The following EXOC4 variants were observed in gnomAD, a reference collection of about 807,000 sequenced individuals.
EXOC4 encodes exocyst complex component 4.
Under a neutral mutation model 107.2 loss-of-function variants are expected in EXOC4, and 71 were observed. That is an observed-to-expected ratio of 0.66 (90% CI 0.55 to 0.81). The LOEUF (loss-of-function observed/expected upper bound fraction) is 0.81. Ranked by LOEUF, EXOC4 falls within the 30% of genes least tolerant of loss-of-function variation. The pLI, the probability that EXOC4 is intolerant of heterozygous loss-of-function variation, is 0.00. For synonymous variants in EXOC4, 456 were observed against 441.2 expected (o/e 1.03, Z -0.42); for missense variants, 1,108 against 1,189.6 (o/e 0.93, Z 1.01).
intron 9 of EXOC4, among the ~76,000 whole-genome samples, chr7:133,615,179 C>T (rs967707546): frequency 2.0e-5 from 3 of 151,970 alleles, no homozygotes; most frequent in Non-Finnish European, 2.9e-5. Context: ...CCTGACTCTC[C>T]GGCCTCCCCT....
At chr7:133,268,227 G>A (rs190799501) in intron 1 of EXOC4, among the ~76,000 whole-genome samples, 8 of 152,302 alleles carry the variant, frequency 5.3e-5, no homozygotes, top group Admixed American at 1.3e-4. Flanking sequence ...AAGTTGCAGA[G>A]CTCCGTTTGA....
At chr7:133,844,001 C>T (rs1426738503) in intron 11 of EXOC4, among the ~76,000 whole-genome samples, 1 of 152,156 alleles carries the variant, frequency 6.6e-6, no homozygotes, top group East Asian at 1.9e-4. Context: ...TCTTGCATCC[C>T]AGGGATAAAG....
At chr7:133,380,425 T>C (rs1485919914) in intron 7 of EXOC4, among the ~76,000 whole-genome samples, 1 of 151,790 alleles carries the variant, frequency 6.6e-6, no homozygotes, top group African/African-American at 2.4e-5. Flanking sequence ...ATTATATTTA[T>C]GGAGTTGTAC....
rs1798001478 is a variant in EXOC4, at chr7:133,840,408, T to C, written c.1734+22864T>C. Among the ~76,000 whole-genome samples the C allele has an allele frequency of 2.0e-5, 3 of 152,202 alleles. No individual in the cohort carries two copies. In the South Asian group the frequency reaches 6.2e-4, roughly 32 times the overall value. On this transcript the variant is annotated intron_variant, in intron 11 of 17. Transcript: ENST00000253861. ...AACAACAAAAATCTATTACAAAGGTTACCTCAGATAGGAAGGGAGAAGATT... is the reference window on the plus strand; with the variant it reads ...AACAACAAAAATCTATTACAAAGGTCACCTCAGATAGGAAGGGAGAAGATT...
chr7:133,568,330 T>G (rs997611663), intron 9 of EXOC4, among the ~76,000 whole-genome samples: 1 of 152,130 alleles, frequency 6.6e-6, no homozygotes, highest in Non-Finnish European at 1.5e-5. Context: ...CTTAGCATAA[T>G]TTTTGCCATG....
At chr7:133,577,062 A>C (rs543501018) in intron 9 of EXOC4, among the ~76,000 whole-genome samples, 15 of 152,318 alleles carry the variant, frequency 9.8e-5, no homozygotes, top group African/African-American at 3.4e-4. Flanking sequence ...GCTTCAACAT[A>C]GCAGTCTTTC....
chr7:133,697,099 C>G (rs1794551720), intron 10 of EXOC4, among the ~76,000 whole-genome samples: 2 of 152,126 alleles, frequency 1.3e-5, no homozygotes, highest in Non-Finnish European at 2.9e-5. Flanking sequence ...TAGGGTAAGG[C>G]TTGGGACCTG....
chr7:134,071,359 A>G (rs991708474), downstream of EXOC4, among the ~76,000 whole-genome samples: 2 of 152,214 alleles, frequency 1.3e-5, 1 homozygote, highest in South Asian at 4.1e-4. Context: ...TTCTTTCCAA[A>G]TAAAGGAAAG....
Position 133,523,757 on chromosome 7 carries a change from A to G in EXOC4, c.1417+43619A>G, listed in dbSNP as rs528942913. On this transcript the variant is annotated intron_variant, in intron 9 of 17. Coordinates refer to ENST00000253861, the MANE Select transcript of EXOC4 (RefSeq NM_021807.4). ...GATTTCCAATTTCATCCATGTCCCT[A>G]CAAAGGACATGAACTCATCATTTTT... Among the ~76,000 whole-genome samples, 359 of 152,254 alleles carry G rather than the reference A, an allele frequency of 2.4e-3. 1 individual carries two copies. Among genetic ancestry groups the G allele is most frequent in the Non-Finnish European group, 3.6e-3 (247 of 68,024 alleles).
At chr7:133,355,380 G>A (rs1456824328) in intron 5 of EXOC4, among the ~76,000 whole-genome samples, 2 of 152,068 alleles carry the variant, frequency 1.3e-5, no homozygotes, top group Non-Finnish European at 2.9e-5. Flanking sequence ...GTAAAATGAG[G>A]CAGTTACTTT....
chr7:133,973,396 A>G (rs1001296052), intron 14 of EXOC4, among the ~76,000 whole-genome samples: 7 of 152,160 alleles, frequency 4.6e-5, no homozygotes, highest in Admixed American at 3.9e-4. Context: ...TTAAATTGTT[A>G]TTACATTATA....
intron 9 of EXOC4, among the ~76,000 whole-genome samples, chr7:133,624,276 A>G (rs955394696): frequency 1.3e-5 from 2 of 152,170 alleles, no homozygotes; most frequent in African/African-American, 4.8e-5. Context: ...TTCAACATCT[A>G]TACATTTAAT....
chr7:133,981,305 C>T (rs1793973314), intron 14 of EXOC4, among the ~76,000 whole-genome samples: 2 of 152,036 alleles, frequency 1.3e-5, no homozygotes, highest in Admixed American at 6.6e-5. Context: ...TCTGCAGTCT[C>T]GATGGCTCTC....
At chr7:133,731,560 G>C (rs995564203) in intron 10 of EXOC4, among the ~76,000 whole-genome samples, 2 of 152,100 alleles carry the variant, frequency 1.3e-5, no homozygotes, top group African/African-American at 4.8e-5. Flanking sequence ...AAATAAAATA[G>C]TAACATGTCT....
At chr7:133,601,601 C>T (rs1229229636) in intron 9 of EXOC4, among the ~76,000 whole-genome samples, 1 of 152,188 alleles carries the variant, frequency 6.6e-6, no homozygotes, top group African/African-American at 2.4e-5. Flanking sequence ...ACTTTCCCTA[C>T]TTCTTTCATA....
chr7:133,796,319 T>C (rs1055930731), intron 10 of EXOC4, among the ~76,000 whole-genome samples: 1 of 152,060 alleles, frequency 6.6e-6, no homozygotes, highest in Non-Finnish European at 1.5e-5. Context: ...GATATACAGG[T>C]TGTGGGGGAA....
At chr7:133,394,595 G>A (rs1260566765) in intron 7 of EXOC4, among the ~76,000 whole-genome samples, 1 of 152,160 alleles carries the variant, frequency 6.6e-6, no homozygotes, top group East Asian at 1.9e-4. Context: ...TTTGGGAGTT[G>A]AGGTGCTATA....
intron 9 of EXOC4, among the ~76,000 whole-genome samples, chr7:133,563,573 C>T (rs1006970342): frequency 2.0e-5 from 3 of 151,914 alleles, no homozygotes; most frequent in Non-Finnish European, 4.4e-5. Context: ...CCTCCAAGCA[C>T]CTGTTAAGAG....
At chr7:133,300,870 A>G (rs977452044) in intron 3 of EXOC4, among the ~76,000 whole-genome samples, 2 of 147,788 alleles carry the variant, frequency 1.4e-5, no homozygotes, top group African/African-American at 5.2e-5. Flanking sequence ...TCAAGTTAAT[A>G]ATATGATAGA....
Sources: gnomAD v4.1 joint callset for allele counts (sites outside exome capture counted in the v4.1 genomes callset) on GRCh38, gnomAD v4.1.1 for gene constraint, MANE v1.5 for transcripts, NCBI Gene and HGNC (gene_info 2026-07-23, HGNC 2026-07-21) for gene names.